CCDC171: variants seen among roughly 807,000 people sequenced by gnomAD.
CCDC171 encodes coiled-coil domain containing 171.
Under a neutral mutation model 168.2 loss-of-function variants are expected in CCDC171, and 177 were observed. That is an observed-to-expected ratio of 1.05 (90% CI 0.93 to 1.19). CCDC171 has a LOEUF of 1.19. Among genes scored for constraint, CCDC171 ranks in the 50% most tolerant of loss-of-function variants. CCDC171 has a pLI of 0.00. For synonymous variants in CCDC171, 687 were observed against 540.8 expected, an observed-to-expected ratio of 1.27 and a Z score of -3.75; for missense variants, 1,991 against 1,539.0, an observed-to-expected ratio of 1.29 and a Z score of -4.91.
At chr9:16,039,153 C>T (rs1332348378), upstream of CCDC171, among the ~76,000 whole-genome samples, 1 of 152,174 alleles carries the variant, frequency 6.6e-6, no homozygotes, top group Non-Finnish European at 1.5e-5. Context: ...AATAGTGCTT[C>T]TGGTTCCAGC....
intron 6 of CCDC171, among the ~76,000 whole-genome samples, chr9:15,600,802 C>T (rs191500019): frequency 4.6e-4 from 70 of 152,324 alleles, no homozygotes; most frequent in African/African-American, 1.6e-3. Flanking sequence ...AGCTTCCCGG[C>T]CACTTTGTTT....
intron 6 of CCDC171, among the ~76,000 whole-genome samples, chr9:15,610,099 C>G (rs930138955): frequency 6.6e-6 from 1 of 151,844 alleles, no homozygotes; most frequent in Non-Finnish European, 1.5e-5. Flanking sequence ...TGATACCTTT[C>G]TTAGTATATT....
intron 25 of CCDC171, among the ~76,000 whole-genome samples, chr9:15,951,947 G>A (rs542368671): frequency 5.9e-5 from 9 of 151,958 alleles, no homozygotes; most frequent in Non-Finnish European, 1.0e-4. Context: ...CCAAATCCAG[G>A]GTTGTAAAGC....
chr9:15,693,513 A>C (rs1008034689), intron 10 of CCDC171, among the ~76,000 whole-genome samples: 20 of 152,156 alleles, frequency 1.3e-4, no homozygotes, highest in African/African-American at 4.8e-4. Context: ...CATGGAGCTT[A>C]AATTCTATGA....
chr9:15,590,196 G>A (rs2041878050), intron 4 of CCDC171, among the ~76,000 whole-genome samples: 1 of 152,174 alleles, frequency 6.6e-6, no homozygotes, highest in Admixed American at 6.5e-5. Context: ...GGAGATGGCA[G>A]CTGAATGGGA....
chr9:15,909,443 C>T (rs1823282919), intron 24 of CCDC171, among the ~76,000 whole-genome samples: 2 of 151,982 alleles, frequency 1.3e-5, no homozygotes. Flanking sequence ...ATTCCACTGG[C>T]AAAGCGAGAA....
At chr9:16,057,697 C>T (rs1313258886) in intron 1 of CCDC171, among the ~76,000 whole-genome samples, 6 of 152,242 alleles carry the variant, frequency 3.9e-5, no homozygotes, top group African/African-American at 1.4e-4. Context: ...CTCTGCCACA[C>T]ACAAGCCCTG....
chr9:16,009,229 C>G (rs913824187), intron 3 of CCDC171, among the ~76,000 whole-genome samples: 1 of 152,078 alleles, frequency 6.6e-6, no homozygotes, highest in Non-Finnish European at 1.5e-5. Flanking sequence ...CTAGAGTGGT[C>G]TGACCTTAGG....
At chr9:15,563,033 G>A (rs1474050857) in intron 1 of CCDC171, among the ~76,000 whole-genome samples, 1 of 152,016 alleles carries the variant, frequency 6.6e-6, no homozygotes, top group Non-Finnish European at 1.5e-5. Flanking sequence ...TATAGTTCAG[G>A]TTTATGTGTC....
intron 19 of CCDC171, 57 bp downstream of exon 19, chr9:15,777,883 T>G: frequency 8.9e-7 from 1 of 1,118,058 alleles, no homozygotes; most frequent in East Asian, 2.5e-5. Flanking sequence ...TAATTTTGAA[T>G]TAGCCTAATT....
At chr9:15,636,549 G>T (rs2046213526) in intron 7 of CCDC171, among the ~76,000 whole-genome samples, 1 of 151,902 alleles carries the variant, frequency 6.6e-6, no homozygotes, top group Non-Finnish European at 1.5e-5. Context: ...AGGAGTTCAA[G>T]ACCAGCCTTG....
downstream of CCDC171, among the ~76,000 whole-genome samples, chr9:15,977,208 C>T (rs548870401): frequency 8.5e-5 from 13 of 152,174 alleles, no homozygotes; most frequent in East Asian, 1.9e-3. Flanking sequence ...ATTATGGATG[C>T]GTACATATTT....
intron 24 of CCDC171, among the ~76,000 whole-genome samples, chr9:15,892,576 C>G (rs1820363389): frequency 6.6e-6 from 1 of 152,006 alleles, no homozygotes; most frequent in Admixed American, 6.6e-5. Context: ...CAGACCAAAC[C>G]TTCTTAAGCA....
chr9:16,028,740 G>T (rs1231066769), intron 6 of CCDC171, among the ~76,000 whole-genome samples: 1 of 152,150 alleles, frequency 6.6e-6, no homozygotes, highest in Non-Finnish European at 1.5e-5. Flanking sequence ...TGAAATTGCT[G>T]CATTTGTCCC....
chr9:15,637,461 GTTTA>G (rs1186441722), intron 7 of CCDC171, among the ~76,000 whole-genome samples: 1 of 151,156 alleles, frequency 6.6e-6, no homozygotes, highest in Non-Finnish European at 1.5e-5. Context: ...AAATTTTTTT[GTTTA>G]TTTTATTATT....
chr9:15,687,019 C>T (rs1430891776), intron 10 of CCDC171, among the ~76,000 whole-genome samples: 1 of 152,072 alleles, frequency 6.6e-6, no homozygotes, highest in Non-Finnish European at 1.5e-5. Flanking sequence ...ATGAAACAAG[C>T]CTCAATAAAT....
chr9:15,690,993 G>C (rs1464049416), intron 10 of CCDC171, among the ~76,000 whole-genome samples: 1 of 152,174 alleles, frequency 6.6e-6, no homozygotes, highest in African/African-American at 2.4e-5. Flanking sequence ...GTTCATGGTA[G>C]TGTACATTGG....
At chr9:15,872,088 G>T (rs2062062940) in intron 23 of CCDC171, among the ~76,000 whole-genome samples, 1 of 151,760 alleles carries the variant, frequency 6.6e-6, no homozygotes, top group African/African-American at 2.4e-5. Flanking sequence ...TATATATCAT[G>T]GGTCTCTCAC....
At chr9:15,594,442 A>G (rs2042199796) in intron 6 of CCDC171, among the ~76,000 whole-genome samples, 1 of 152,148 alleles carries the variant, frequency 6.6e-6, no homozygotes. Flanking sequence ...TTTCCAATTT[A>G]AAATTTGAGA....
Sources: allele counts gnomAD v4.1 joint callset (sites outside exome capture counted in the v4.1 genomes callset), GRCh38; gene constraint gnomAD v4.1.1; transcripts MANE v1.5; gene names NCBI Gene and HGNC (gene_info 2026-07-23, HGNC 2026-07-21).